Variants in NALF1 observed in about 807,000 individuals in gnomAD.
The protein encoded by NALF1 is NALCN channel auxiliary factor 1, also known as family with sequence similarity 155 member A.
In NALF1, 3 loss-of-function variants were observed where a neutral mutation model predicts 48.4. The observed-to-expected ratio is 0.06, with a 90% CI of 0.03 to 0.16. The LOEUF is 0.16. Ranked by LOEUF, NALF1 falls within the 10% of genes least tolerant of loss-of-function variation. NALF1 has a pLI of 1.00. For missense variants in NALF1, 526 were observed against 571.5 expected (o/e 0.92, Z 0.81); for synonymous variants, 262 against 245.7 (o/e 1.07, Z -0.62).
At chr13:107,821,638 C>T (rs1879364245) in intron 1 of NALF1, among the ~76,000 whole-genome samples, 2 of 152,164 alleles carry the variant, frequency 1.3e-5, no homozygotes, top group East Asian at 3.9e-4. Context: ...GAGAAACTGT[C>T]ACAGACCAGA....
At chr13:107,391,196 G>A (rs114047204) in intron 1 of NALF1, among the ~76,000 whole-genome samples, 1 of 152,046 alleles carries the variant, frequency 6.6e-6, no homozygotes, top group African/African-American at 2.4e-5. Context: ...GTCCCTGGAA[G>A]CACCTCCTCC....
At chr13:107,733,074 AT>A (rs2138537357) in intron 1 of NALF1, among the ~76,000 whole-genome samples, 2 of 152,336 alleles carry the variant, frequency 1.3e-5, no homozygotes, top group East Asian at 3.9e-4. Context: ...GGACACTTGG[AT>A]TAAAAGAATC....
intron 1 of NALF1, among the ~76,000 whole-genome samples, chr13:107,656,392 C>T (rs758434926): frequency 2.5e-4 from 38 of 151,966 alleles, no homozygotes; most frequent in Non-Finnish European, 4.7e-4. Context: ...AAATCATCAA[C>T]AAACATATGG....
rs74983410 is a variant in NALF1, at chr13:107,217,011, T to C, written c.916-6256A>G. Among the ~76,000 whole-genome samples the C allele has an allele frequency of 4.3e-3, 657 of 152,330 alleles. 4 individuals are homozygous for C. Among genetic ancestry groups the C allele is most frequent in the African/African-American group, 0.015 (627 of 41,584 alleles). ...ATTTGTCAATATGTCTCCAGCGTTA[T>C]GCAAAGGAAAACGTGTCCTAACTAT... On this transcript the variant is annotated intron_variant, in intron 1 of 2. Transcript: ENST00000375915.
intron 1 of NALF1, among the ~76,000 whole-genome samples, chr13:107,239,255 G>A (rs775174506): frequency 2.0e-5 from 3 of 152,150 alleles, no homozygotes; most frequent in African/African-American, 4.8e-5. Flanking sequence ...CTGAAGCGCC[G>A]ACAGGCCATG....
intron 1 of NALF1, among the ~76,000 whole-genome samples, chr13:107,427,218 T>C (rs1884295797): frequency 6.6e-6 from 1 of 151,672 alleles, no homozygotes; most frequent in African/African-American, 2.4e-5. Flanking sequence ...CATTAAGTAA[T>C]TTTTAAATTC....
chr13:107,315,634 A>G (rs1430706678), intron 1 of NALF1, among the ~76,000 whole-genome samples: 1 of 151,938 alleles, frequency 6.6e-6, no homozygotes, highest in Non-Finnish European at 1.5e-5. Context: ...TCTGTATGAG[A>G]CATTGAAACG....
At chr13:107,622,468 CAACA>C (rs1251729471) in intron 1 of NALF1, among the ~76,000 whole-genome samples, 5 of 87,666 alleles carry the variant, frequency 5.7e-5, no homozygotes, top group African/African-American at 1.6e-4. Flanking sequence ...ACAACAACAA[CAACA>C]AAAAAAAAAA....
At chr13:107,568,875 C>T (rs1345806087) in intron 1 of NALF1, among the ~76,000 whole-genome samples, 1 of 152,074 alleles carries the variant, frequency 6.6e-6, no homozygotes, top group East Asian at 1.9e-4. Context: ...ATATTTTCTT[C>T]CAGTCTGTGA....
intron 1 of NALF1, among the ~76,000 whole-genome samples, chr13:107,369,912 C>A (rs1043042939): frequency 1.1e-4 from 17 of 152,118 alleles, no homozygotes; most frequent in Non-Finnish European, 5.9e-5. Context: ...CTAATTCGTT[C>A]ATTTCCTAAT....
intron 1 of NALF1, among the ~76,000 whole-genome samples, chr13:107,744,902 T>C (rs1467633076): frequency 6.6e-6 from 1 of 152,242 alleles, no homozygotes; most frequent in Non-Finnish European, 1.5e-5. Context: ...TGTTTATTTA[T>C]ATATTTCATT....
intron 1 of NALF1, among the ~76,000 whole-genome samples, chr13:107,671,441 T>C (rs981317592): frequency 6.6e-5 from 10 of 152,068 alleles, no homozygotes; most frequent in Non-Finnish European, 1.2e-4. Flanking sequence ...CTATAGCTCA[T>C]AAGCATAGTC....
chr13:107,588,210 T>G (rs1230040740), intron 1 of NALF1, among the ~76,000 whole-genome samples: 2 of 152,044 alleles, frequency 1.3e-5, no homozygotes, highest in African/African-American at 4.8e-5. Context: ...ACATTTCAGC[T>G]GAGAATGAAA....
chr13:107,482,109 A>T (rs1885263112), intron 1 of NALF1, among the ~76,000 whole-genome samples: 1 of 152,032 alleles, frequency 6.6e-6, no homozygotes, highest in African/African-American at 2.4e-5. Context: ...CCTTGGGTAA[A>T]GCAGATCACC....
intron 1 of NALF1, among the ~76,000 whole-genome samples, chr13:107,529,551 T>C (rs1038562564): frequency 1.3e-5 from 2 of 152,184 alleles, no homozygotes; most frequent in African/African-American, 2.4e-5. Context: ...ATGTCCTAGA[T>C]GTGTGCAATT....
At chr13:107,544,907 G>A (rs1379435910) in intron 1 of NALF1, among the ~76,000 whole-genome samples, 11 of 152,100 alleles carry the variant, frequency 7.2e-5, no homozygotes, top group Admixed American at 5.2e-4. Flanking sequence ...GGAGATCACC[G>A]TCCTCTGCAG....
intron 1 of NALF1, among the ~76,000 whole-genome samples, chr13:107,744,390 A>G (rs1876724029): frequency 6.6e-6 from 1 of 152,216 alleles, no homozygotes; most frequent in African/African-American, 2.4e-5. Context: ...ACAAATAAGT[A>G]AGCGAAGTGT....
intron 2 of NALF1, among the ~76,000 whole-genome samples, chr13:107,181,823 A>C (rs1177446500): frequency 6.6e-6 from 1 of 152,148 alleles, no homozygotes; most frequent in Admixed American, 6.5e-5. Context: ...ACTAGGAAAA[A>C]TATGACATTC....
At chr13:107,698,590 ATTAC>A (rs1307509837) in intron 1 of NALF1, among the ~76,000 whole-genome samples, 2 of 152,084 alleles carry the variant, frequency 1.3e-5, no homozygotes, top group Non-Finnish European at 2.9e-5. Context: ...CTCTTTACTG[ATTAC>A]TTGTTTCATG....
Sources: gnomAD v4.1 joint callset for allele counts (sites outside exome capture counted in the v4.1 genomes callset) on GRCh38, gnomAD v4.1.1 for gene constraint, MANE v1.5 for transcripts, NCBI Gene and HGNC (gene_info 2026-07-23, HGNC 2026-07-21) for gene names.